DIS3L: variants seen among roughly 807,000 people sequenced by gnomAD.
DIS3L encodes DIS3-like exonuclease 1.
Under a neutral mutation model 120.3 loss-of-function variants are expected in DIS3L, and 100 were observed. The observed-to-expected ratio is 0.83, with a 90% CI of 0.71 to 0.98. The LOEUF (loss-of-function observed/expected upper bound fraction) is 0.98, where lower values mean the gene tolerates loss of function less well. DIS3L is among the 50% of genes least tolerant of loss of function. The pLI is 0.00. For synonymous variants in DIS3L, 426 were observed against 470.6 expected (o/e 0.91, Z 1.23); for missense variants, 1,196 against 1,314.2 (o/e 0.91, Z 1.39).
intron 2 of DIS3L, among the ~76,000 whole-genome samples, chr15:66,306,452 A>C (rs2092703287): frequency 6.6e-6 from 1 of 152,234 alleles, no homozygotes; most frequent in African/African-American, 2.4e-5. Flanking sequence ...AGGTCCAAAA[A>C]TAAAGTGCTA....
intron 2 of DIS3L, among the ~76,000 whole-genome samples, chr15:66,304,896 G>A (rs1368260628): frequency 1.8e-5 from 2 of 112,354 alleles, no homozygotes; most frequent in Non-Finnish European, 3.4e-5. Context: ...GTAAGACTCC[G>A]TCTCAAAAAA....
chr15:66,332,485 AGT>A (rs778480622), intron 15 of DIS3L, among the ~76,000 whole-genome samples: 2,341 of 109,714 alleles, frequency 0.021, 54 homozygotes, highest in African/African-American at 0.06. Flanking sequence ...TGAAGACTGG[AGT>A]GTGTGTGTGT....
At chr15:66,313,887 G>GTATATA (rs147699160) in intron 5 of DIS3L, 152 bp from the exon 6 acceptor site, 2 of 429,548 alleles carry the variant, frequency 4.7e-6, no homozygotes, top group East Asian at 4.3e-5. Flanking sequence ...ATATGTGTGT[G>GTATATA]TATATATATA....
In DIS3L at chr15:66,332,796, C is replaced by T. The variant is rs147627675; in HGVS notation, c.2742C>T (p.Gly914=). The part of the protein sequence containing the change: ...KNKDGLVISC[G]PDSCSEWKPG... ...AAGATGGTTTAGTCATCTCATGTGG[C>T]CCAGATAGCTGTTCTGAATGGAAAC... The change falls in exon 16 of 17, where the codon GGC becomes GGT. Residue 914 remains glycine, a synonymous_variant. Coordinates refer to ENST00000319212, the MANE Select transcript of DIS3L (RefSeq NM_001143688.3). 18 of 1,613,680 alleles carry T rather than the reference C, an allele frequency of 1.1e-5. No individual in the cohort carries two copies. In the African/African-American group the frequency reaches 2.3e-4, roughly 20 times the overall value.
intron 11 of DIS3L, 128 bp from the exon 12 acceptor site, chr15:66,325,703 G>A: frequency 9.3e-7 from 1 of 1,079,006 alleles, no homozygotes; most frequent in Non-Finnish European, 1.3e-6. Flanking sequence ...TGAGGCAGCA[G>A]TGAGCAGTGA....
intron 2 of DIS3L, among the ~76,000 whole-genome samples, chr15:66,304,148 A>T (rs2092679360): frequency 1.3e-5 from 2 of 150,468 alleles, no homozygotes; most frequent in Admixed American, 1.3e-4. Flanking sequence ...GGCTTTTAAA[A>T]TAAGTTTTAA....
intron 2 of DIS3L, 68 bp downstream of exon 2, chr15:66,295,209 C>T (rs1205673200): frequency 4.8e-6 from 7 of 1,456,416 alleles, no homozygotes; most frequent in South Asian, 2.6e-5. Context: ...GGTCCCTTGT[C>T]GGAGGGGGAT....
At chr15:66,330,690 A>G in intron 14 of DIS3L, 1 of 214,100 alleles carries the variant, frequency 4.7e-6, no homozygotes, top group Non-Finnish European at 8.0e-6. Context: ...ATATTAGGCA[A>G]CACAGATAGA....
In DIS3L at chr15:66,295,076, T is replaced by C. The variant is rs2092571294; in HGVS notation, c.228T>C (p.Pro76=). 1.9e-6 allele frequency: 3 copies of C among 1,614,160 alleles called. No individual in the cohort carries two copies. Among genetic ancestry groups the C allele is most frequent in the Non-Finnish European group, 2.5e-6 (3 of 1,180,014 alleles). ...VQDYLEILEF[P]ELKGIIFMQT... The stretch of plus-strand genomic sequence containing the variant: ...ATTATCTTGAGATCCTTGAGTTTCC[T>C]GAGTTGAAGGGAATTATTTTCATGC... Residue 76 remains proline (P), a synonymous_variant, in exon 2 of 17, where the codon CCT becomes CCC. Transcript: ENST00000319212.
chr15:66,293,323 C>A (rs2092541890), upstream of DIS3L: 1 of 358,904 alleles, frequency 2.8e-6, no homozygotes, highest in Admixed American at 5.7e-5. Context: ...AGCCCTTCTT[C>A]ACCTGCCGTC....
chr15:66,324,679 T>G (rs1300429405), intron 11 of DIS3L, among the ~76,000 whole-genome samples: 2 of 152,250 alleles, frequency 1.3e-5, no homozygotes, highest in African/African-American at 4.8e-5. Context: ...ATGTTGTATT[T>G]TTTTATCTTT....
intron 14 of DIS3L, among the ~76,000 whole-genome samples, chr15:66,330,926 C>T (rs1010679450): frequency 1.6e-4 from 24 of 152,184 alleles, no homozygotes; most frequent in African/African-American, 4.1e-4. Flanking sequence ...AGGTCGAGGC[C>T]GGTGGATCAC....
At chr15:66,309,094 A>AAAAAAAAAAAAAAAAATATATATATATAT in intron 4 of DIS3L, among the ~76,000 whole-genome samples, 3 of 15,320 alleles carry the variant, frequency 2.0e-4, no homozygotes, top group Non-Finnish European at 3.6e-4. Context: ...AAAAAAAAAA[A>AAAAAAAAAAAAAAAAATATATATATATAT]ATATATATAT....
chr15:66,328,666 GAATTC>G (rs1386979857), intron 12 of DIS3L, among the ~76,000 whole-genome samples: 1 of 152,226 alleles, frequency 6.6e-6, no homozygotes, highest in Non-Finnish European at 1.5e-5. Context: ...AGGATGTAAA[GAATTC>G]AATTCAACGA....
intron 2 of DIS3L, among the ~76,000 whole-genome samples, chr15:66,304,323 T>C (rs1158343555): frequency 6.0e-5 from 9 of 149,466 alleles, no homozygotes; most frequent in Non-Finnish European, 1.3e-4. Context: ...CATAGTGGGG[T>C]GTGCCTGTAG....
At chr15:66,328,850 C>G in intron 12 of DIS3L, 120 bp from the exon 13 acceptor site, 1 of 1,313,308 alleles carries the variant, frequency 7.6e-7, no homozygotes, top group Non-Finnish European at 1.0e-6. Flanking sequence ...TGAAACGTGT[C>G]CAAAACAAAT....
intron 7 of DIS3L, among the ~76,000 whole-genome samples, chr15:66,317,294 GT>G (rs2092827588): frequency 7.2e-6 from 1 of 138,578 alleles, no homozygotes; most frequent in Non-Finnish European, 1.5e-5. Flanking sequence ...TATATTCCCT[GT>G]ACCTAGAACA....
intron 10 of DIS3L, among the ~76,000 whole-genome samples, chr15:66,323,161 T>C (rs1325773393): frequency 6.6e-6 from 1 of 152,200 alleles, no homozygotes; most frequent in Non-Finnish European, 1.5e-5. Context: ...TCCTACTAAA[T>C]CGAAATGGGT....
chr15:66,327,974 C>T (rs1020328091), intron 12 of DIS3L, among the ~76,000 whole-genome samples: 11 of 152,278 alleles, frequency 7.2e-5, no homozygotes, highest in African/African-American at 2.6e-4. Flanking sequence ...ATCGCTTGAA[C>T]CTGGGAGGCA....
Sources: gnomAD v4.1 joint callset for allele counts (sites outside exome capture counted in the v4.1 genomes callset) on GRCh38, gnomAD v4.1.1 for gene constraint, MANE v1.5 for transcripts, NCBI Gene and HGNC (gene_info 2026-07-23, HGNC 2026-07-21) for gene names.